The following FKBP8 variants were observed in gnomAD, a reference collection of about 807,000 sequenced individuals.
The protein encoded by FKBP8 is FKBP prolyl isomerase 8, also known as peptidyl-prolyl cis-trans isomerase FKBP8.
In FKBP8, 5 loss-of-function variants were observed where a neutral mutation model predicts 41.7. The ratio of observed to expected loss-of-function variants is 0.12; its 90% CI spans 0.06 to 0.25. The LOEUF (loss-of-function observed/expected upper bound fraction) is 0.25, where lower values mean the gene tolerates loss of function less well. Among genes scored for constraint, FKBP8 ranks in the 10% least tolerant of loss-of-function variants. The probability of loss-of-function intolerance (pLI) is 1.00; values close to 1 mark genes in which losing one functional copy is unlikely to be tolerated. For synonymous variants in FKBP8, 279 were observed against 254.5 expected, an observed-to-expected ratio of 1.10 and a Z score of -0.92; for missense variants, 397 against 563.0, an observed-to-expected ratio of 0.71 and a Z score of 2.98.
Position 18,538,560 on chromosome 19 carries a change from T to A in FKBP8, c.552-124A>T, listed in dbSNP as rs969184506. The stretch of plus-strand genomic sequence containing the variant: ...TCTGTCTCCCCTCTGCCCTCCATCA[T>A]TCCCTCCTCAGTAAAGTGCAGGGGA... On this transcript the variant is annotated intron_variant, in intron 4 of 8. Transcript: ENST00000608443. This position sits in a 1 kb window ranked among gnomAD's most constrained non-coding sequence, Gnocchi z 4.0. 4.0e-6 allele frequency: 3 copies of A among 745,646 alleles called. No individual in the cohort carries two copies. The Admixed American group carries it at 8.5e-5, about 21-fold the overall frequency. The allele number at this position is 745,646 out of a possible 1,614,324, so 46.2% of individuals were successfully genotyped here.
intron 6 of FKBP8, among the ~76,000 whole-genome samples, chr19:18,536,851 A>C (rs1442071510): frequency 2.0e-5 from 3 of 152,236 alleles, no homozygotes; most frequent in South Asian, 2.1e-4. Context: ...AAAGGCCCTG[A>C]GGTGGAGAGA....
rs183297672 is a variant in FKBP8 at position 18,534,263 on chromosome 19, C to T, written c.946-916G>A. On this transcript the variant is annotated intron_variant, in intron 6 of 8. Coordinates refer to ENST00000608443, the MANE Select transcript of FKBP8 (RefSeq NM_012181.5). Reference sequence around the variant, plus strand: ...CAGCACTTGCAGTGAGCCGAGATCACGCCACTGCAGTCCAGCCTGGGCGAC... The same window carrying T: ...CAGCACTTGCAGTGAGCCGAGATCATGCCACTGCAGTCCAGCCTGGGCGAC... Among the ~76,000 whole-genome samples the T allele has an allele frequency of 9.9e-3, 1,475 of 149,554 alleles. 28 individuals are homozygous for T. The highest frequency in any genetic ancestry group is 0.034 in the African/African-American group (1,390 of 40,590).
At chr19:18,541,596 C>A in intron 2 of FKBP8, 83 bp downstream of exon 2, 1 of 1,520,758 alleles carries the variant, frequency 6.6e-7, no homozygotes. Context: ...GACTTCCAAC[C>A]CTCACAGCAC....
Position 18,539,544 on chromosome 19 carries a change from C to A in FKBP8, c.462+7G>T. 6.2e-7 allele frequency: 1 copy of A among 1,612,664 alleles called. No individual in the cohort carries two copies. The highest frequency in any genetic ancestry group is 8.5e-7 in the Non-Finnish European group (1 of 1,179,870). On this transcript the variant is annotated splice_region_variant and intron_variant, in intron 3 of 8. Coordinates refer to ENST00000608443, the MANE Select transcript of FKBP8 (RefSeq NM_012181.5). ...TCGCCCCTGCCCTGTCCCGCCCCAG[C>A]CCGCACCTGGATGACGTCACAGTCA...
Position 18,534,285 on chromosome 19 carries a change from C to T in FKBP8, c.946-938G>A, listed in dbSNP as rs534013287. On this transcript the variant is annotated intron_variant, in intron 6 of 8. Coordinates refer to ENST00000608443, the MANE Select transcript of FKBP8 (RefSeq NM_012181.5). ...TCACGCCACTGCAGTCCAGCCTGGG[C>T]GACAGAGCGAGACTCCGTCTCAAAA... Among the ~76,000 whole-genome samples the T allele has an allele frequency of 5.3e-4, 80 of 152,178 alleles. 2 individuals are homozygous for T. The highest frequency in any genetic ancestry group is 1.8e-4 in the Non-Finnish European group (12 of 67,998).
intron 2 of FKBP8, among the ~76,000 whole-genome samples, chr19:18,540,476 G>A (rs1568411750): frequency 1.3e-5 from 2 of 152,094 alleles, no homozygotes; most frequent in African/African-American, 2.4e-5. Flanking sequence ...GCTCACACCT[G>A]TAACCCCAGC....
At chr19:18,532,302 T>C (rs1304412088) in intron 8 of FKBP8, 47 bp from the exon 9 acceptor site, 2 of 1,524,698 alleles carry the variant, frequency 1.3e-6, no homozygotes, top group Admixed American at 1.9e-5. Context: ...AGGTCAAGAC[T>C]GGCCTCTGGG....
At chr19:18,532,279 G>A in intron 8 of FKBP8, 24 bp from the exon 9 acceptor site, 1 of 1,581,334 alleles carries the variant, frequency 6.3e-7, no homozygotes. Flanking sequence ...GGAGGGGAGA[G>A]AAGGGTGGAG....
chr19:18,533,711 GAAA>G (rs924010663), intron 6 of FKBP8, among the ~76,000 whole-genome samples: 1 of 133,212 alleles, frequency 7.5e-6, no homozygotes, highest in Admixed American at 7.5e-5. Flanking sequence ...CTTAAAAAAA[GAAA>G]AAAAAAAAAG....
intron 8 of FKBP8, 136 bp downstream of exon 8, chr19:18,532,528 A>G: frequency 7.5e-7 from 1 of 1,327,054 alleles, no homozygotes; most frequent in East Asian, 2.4e-5. Context: ...ATGATCACAC[A>G]GGGCTGGGCT....
intron 2 of FKBP8, among the ~76,000 whole-genome samples, chr19:18,540,216 A>C (rs1976668360): frequency 6.6e-6 from 1 of 152,138 alleles, no homozygotes; most frequent in African/African-American, 2.4e-5. Context: ...CGGTTTACCC[A>C]GCCATGAAAT....
intron 1 of FKBP8, chr19:18,542,304 C>T (rs1976721368): frequency 7.0e-6 from 2 of 286,362 alleles, no homozygotes; most frequent in African/African-American, 4.4e-5. Flanking sequence ...AGGAAACAGG[C>T]CAGAGGGGCA....
chr19:18,541,159 AGTTTTCTTCT>A (rs1845068653), intron 2 of FKBP8, among the ~76,000 whole-genome samples: 1 of 152,050 alleles, frequency 6.6e-6, no homozygotes, highest in Non-Finnish European at 1.5e-5. Flanking sequence ...GGGCTCATGT[AGTTTTCTTCT>A]TGTAGGATTG....
intron 2 of FKBP8, among the ~76,000 whole-genome samples, chr19:18,541,197 A>G (rs1379385731): frequency 6.6e-6 from 1 of 152,162 alleles, no homozygotes; most frequent in Non-Finnish European, 1.5e-5. Context: ...CATTTACAAT[A>G]CTATCACTAC....
At chr19:18,536,719 AGATCCGG>A (rs1976587501) in intron 6 of FKBP8, among the ~76,000 whole-genome samples, 1 of 152,204 alleles carries the variant, frequency 6.6e-6, no homozygotes, top group Admixed American at 6.5e-5. Flanking sequence ...GCAAGGCTGG[AGATCCGG>A]CAGTGAGCAA....
chr19:18,542,706 C>T (rs559516921), intron 1 of FKBP8, among the ~76,000 whole-genome samples: 1 of 152,020 alleles, frequency 6.6e-6, no homozygotes, highest in East Asian at 1.9e-4. Context: ...AGGCCTCGGT[C>T]CCACCCCCTC....
chr19:18,542,465 C>T (rs1010881541), intron 1 of FKBP8: 7 of 173,398 alleles, frequency 4.0e-5, no homozygotes, highest in Non-Finnish European at 7.5e-5. Flanking sequence ...CTTAGGGAAG[C>T]CATTTTTAGA....
In FKBP8 at chr19:18,541,831, T is replaced by A; in HGVS notation, c.140A>T (p.Asp47Val). ...EEEEEEEEEEDDLSELPPLED... is the reference protein window; with the variant it reads ...EEEEEEEEEEVDLSELPPLED... ...CAGCGGTGGCAGCTCACTCAGGTCA[T>A]CCTCTTCCTCCTCTTCCTCCTCCTC... is the stretch of plus-strand genomic sequence containing the variant. The change falls in exon 2 of 9, where the codon GAT becomes GTT. Residue 47 changes from aspartate to valine, a missense_variant. Coordinates refer to ENST00000608443, the MANE Select transcript of FKBP8 (RefSeq NM_012181.5). 1 of 1,612,924 alleles carries A rather than the reference T, an allele frequency of 6.2e-7. No individual in the cohort carries two copies. The highest frequency in any genetic ancestry group is 1.7e-5 in the Admixed American group (1 of 59,740).
At chr19:18,536,133 T>C (rs1976570542) in intron 6 of FKBP8, 2 of 152,156 alleles carry the variant, frequency 1.3e-5, no homozygotes, top group South Asian at 4.1e-4. Context: ...GCACACAGTA[T>C]GTCCTTAATA....
Sources: allele counts gnomAD v4.1 joint callset (sites outside exome capture counted in the v4.1 genomes callset), GRCh38; gene constraint gnomAD v4.1.1; non-coding constraint Gnocchi (gnomAD v3.1); transcripts MANE v1.5; gene names NCBI Gene and HGNC (gene_info 2026-07-23, HGNC 2026-07-21).